The following OGG1 variants were observed in gnomAD, a reference collection of about 807,000 sequenced individuals.
OGG1 encodes N-glycosylase/DNA lyase.
Under a neutral mutation model 42.3 loss-of-function variants are expected in OGG1, and 35 were observed. That is an observed-to-expected ratio of 0.83 (90% CI 0.63 to 1.10). The LOEUF (loss-of-function observed/expected upper bound fraction) is 1.10. Ranked by LOEUF, OGG1 falls within the 50% of genes least tolerant of loss-of-function variation. The probability of loss-of-function intolerance (pLI) is 0.00; values close to 1 mark genes in which losing one functional copy is unlikely to be tolerated. For synonymous variants in OGG1, 189 were observed against 179.0 expected (o/e 1.06, Z -0.44); for missense variants, 484 against 446.7 (o/e 1.08, Z -0.75).
chr3:9,756,390 CA>C, intron 4 of OGG1, 80 bp from the exon 5 acceptor site: 1 of 1,421,436 alleles, frequency 7.0e-7, no homozygotes, highest in African/African-American at 1.4e-5. Context: ...AAGGAGAAAG[CA>C]GCCGGCTTTG....
At chr3:9,764,569 C>G (rs1032527659) in intron 7 of OGG1, among the ~76,000 whole-genome samples, 5 of 150,668 alleles carry the variant, frequency 3.3e-5, no homozygotes, top group Admixed American at 2.0e-4. Flanking sequence ...ACTTCAGCCT[C>G]TCAAAGTGCT....
chr3:9,784,353 G>A (rs1250303823), intron 3 of OGG1: 4 of 1,119,290 alleles, frequency 3.6e-6, no homozygotes, highest in Non-Finnish European at 4.9e-6. Context: ...CAGATACAAA[G>A]GGAGGGACAG....
At position 9,778,776 on chromosome 3, in the gene OGG1, CACT is replaced by C. The variant is rs566880839; in HGVS notation, c.295-2736_295-2734del. ...TAATCATTGTGGCTAGAGGGATTGG[CACT>C]TGACTGGCCAAGCTGGGGTCATGTG... On this transcript the variant is annotated intron_variant, in intron 2 of 3. Coordinates refer to the OGG1 transcript ENST00000426518. Among the ~76,000 whole-genome samples, 49 of 152,250 alleles carry C rather than the reference CACT, an allele frequency of 3.2e-4. 1 individual carries two copies. In the South Asian group the frequency reaches 5.0e-3, roughly 15 times the overall value.
chr3:9,761,724 C>T (rs760416645), downstream of OGG1: 13 of 1,614,116 alleles, frequency 8.1e-6, no homozygotes, highest in Non-Finnish European at 1.0e-5. Flanking sequence ...ATTTTGGAGT[C>T]TTCATCCAGG....
downstream of OGG1, chr3:9,757,564 G>A: frequency 1.2e-6 from 2 of 1,614,066 alleles, no homozygotes; most frequent in Non-Finnish European, 1.7e-6. The surrounding 1 kb of genome is among the most constrained non-coding windows in gnomAD (Gnocchi z 4.5). Context: ...CAGTGTGGGG[G>A]ACAGTTCTGT....
chr3:9,766,489 GA>G (rs1006026297), exon 8 of OGG1: 389 of 332,578 alleles, frequency 1.2e-3, no homozygotes, highest in East Asian at 1.7e-3. Flanking sequence ...TCAAAAAAAA[GA>G]AAAAAAAAAG....
At chr3:9,771,049 A>T (rs1225635491), downstream of OGG1, among the ~76,000 whole-genome samples, 1 of 145,444 alleles carries the variant, frequency 6.9e-6, no homozygotes, top group Non-Finnish European at 1.5e-5. Context: ...TTTTTTTAAG[A>T]CAGGGTCTTG....
intron 2 of OGG1, among the ~76,000 whole-genome samples, chr3:9,774,149 C>T (rs2078335775): frequency 6.6e-6 from 1 of 152,144 alleles, no homozygotes; most frequent in Non-Finnish European, 1.5e-5. Context: ...GTGACTCACT[C>T]CTGAATCCCA....
At chr3:9,752,345 T>C (rs1009029117) in intron 3 of OGG1, among the ~76,000 whole-genome samples, 5 of 152,060 alleles carry the variant, frequency 3.3e-5, no homozygotes, top group African/African-American at 4.8e-5. Context: ...CACCTACCTA[T>C]GCTATTATTG....
In OGG1 at chr3:9,757,363, T is replaced by G; in HGVS notation, c.*213T>G. 6.2e-7 allele frequency: 1 copy of G among 1,613,964 alleles called. No homozygotes were observed. The highest frequency in any genetic ancestry group is 8.5e-7 in the Non-Finnish European group (1 of 1,179,936). ...CGCTAAGGATGGTTTTATCTTCCCT[T>G]TATTACAAGAAGGAACAATAAAATA... On this transcript the variant is annotated 3_prime_UTR_variant, in exon 7 of 7. Transcript: ENST00000344629. The surrounding 1 kb of genome is among the most constrained non-coding windows in gnomAD (Gnocchi z 4.5).
chr3:9,783,396 T>G (rs2078526137), intron 3 of OGG1: 1 of 151,770 alleles, frequency 6.6e-6, no homozygotes, highest in African/African-American at 2.4e-5. Flanking sequence ...CTCAGCTCAC[T>G]GCAACCTCCG....
At position 9,751,860 on chromosome 3, in the gene OGG1, T is replaced by C; in HGVS notation, c.476T>C (p.Val159Ala). The stretch of plus-strand genomic sequence containing the variant: ...AACATCGCCCGCATCACTGGCATGG[T>C]GGAGCGGCTGTGCCAGGCTTTTGGA... The part of the protein sequence containing the change: ...NNNIARITGM[V>A]ERLCQAFGPR... The change falls in exon 3 of 7, where the codon GTG becomes GCG. Residue 159 changes from valine to alanine, a missense_variant. Transcript: ENST00000344629. 6.2e-7 allele frequency: 1 copy of C among 1,614,206 alleles called. No homozygotes were observed. The highest frequency in any genetic ancestry group is 8.5e-7 in the Non-Finnish European group (1 of 1,180,028).
Position 9,750,392 on chromosome 3 carries a change from G to C in OGG1, c.106G>C (p.Asp36His). ...GTGCCCTCGCTCTGAGCTGCGCCTGGACCTGGTTCTGCCTTCTGGACAATC... is the reference window on the plus strand; with the variant it reads ...GTGCCCTCGCTCTGAGCTGCGCCTGCACCTGGTTCTGCCTTCTGGACAATC... ...IPCPRSELRL[D>H]LVLPSGQSFR... is the part of the protein sequence containing the mutation. The change falls in exon 1 of 7, where the codon GAC becomes CAC. Residue 36 changes from aspartate to histidine, a missense_variant. Transcript: ENST00000344629. The C allele has an allele frequency of 6.2e-7, 1 of 1,614,070 alleles. No individual in the cohort carries two copies. The highest frequency in any genetic ancestry group is 8.5e-7 in the Non-Finnish European group (1 of 1,180,036).
At chr3:9,761,231 G>A (rs976007463), downstream of OGG1, 4 of 478,328 alleles carry the variant, frequency 8.4e-6, no homozygotes, top group Admixed American at 1.1e-4. Flanking sequence ...GCTCCCTGAG[G>A]GCAGGCACTT....
At chr3:9,780,463 A>G in intron 2 of OGG1, 2 of 1,611,570 alleles carry the variant, frequency 1.2e-6, no homozygotes, top group Non-Finnish European at 1.7e-6. Context: ...GGCAGCCATG[A>G]TCTTGCGAAA....
At chr3:9,782,043 G>A (rs889927392) in intron 3 of OGG1, among the ~76,000 whole-genome samples, 1 of 151,880 alleles carries the variant, frequency 6.6e-6, no homozygotes, top group African/African-American at 2.4e-5. Context: ...TGACTACATT[G>A]CCCAGGCTAG....
chr3:9,779,665 C>T (rs891056650), intron 2 of OGG1, among the ~76,000 whole-genome samples: 1 of 152,024 alleles, frequency 6.6e-6, no homozygotes, highest in Admixed American at 6.6e-5. Context: ...AAAAAAGAAA[C>T]CTGGACCCTT....
At chr3:9,780,772 TGGG>T (rs1199169367) in intron 2 of OGG1, among the ~76,000 whole-genome samples, 1 of 152,134 alleles carries the variant, frequency 6.6e-6, no homozygotes, top group East Asian at 1.9e-4. Flanking sequence ...TGTGCACATG[TGGG>T]GACAGGGAGA....
At chr3:9,769,037 CT>C (rs1468110053), downstream of OGG1, among the ~76,000 whole-genome samples, 2 of 152,060 alleles carry the variant, frequency 1.3e-5, no homozygotes, top group Non-Finnish European at 2.9e-5. Context: ...AAACACCTGC[CT>C]CCCAGATCCA....
Sources: allele counts gnomAD v4.1 joint callset (sites outside exome capture counted in the v4.1 genomes callset), GRCh38; gene constraint gnomAD v4.1.1; non-coding constraint Gnocchi (gnomAD v3.1); transcripts MANE v1.5; gene names NCBI Gene and HGNC (gene_info 2026-07-23, HGNC 2026-07-21).